The following KCNB2 variants were observed in gnomAD, a reference collection of about 807,000 sequenced individuals.
The protein encoded by KCNB2 is potassium voltage-gated channel subfamily B member 2.
KCNB2 carries 15 observed loss-of-function variants against 61.5 expected under a neutral mutation model. The observed-to-expected ratio is 0.24, with a 90% CI of 0.16 to 0.38. KCNB2 has a LOEUF of 0.38. Among genes scored for constraint, KCNB2 ranks in the 10% least tolerant of loss-of-function variants. The pLI, the probability that KCNB2 is intolerant of heterozygous loss-of-function variation, is 1.00. For missense variants in KCNB2, 828 were observed against 1,125.2 expected (o/e 0.74, Z 3.78); for synonymous variants, 457 against 446.0 (o/e 1.02, Z -0.31).
intron 2 of KCNB2, among the ~76,000 whole-genome samples, chr8:72,867,159 A>ACCT (rs1010633265): frequency 6.6e-6 from 1 of 152,112 alleles, no homozygotes. Context: ...TCCCTTTATA[A>ACCT]CCTTCTTAAT....
At chr8:72,861,942 C>A (rs569750411) in intron 2 of KCNB2, among the ~76,000 whole-genome samples, 1 of 152,230 alleles carries the variant, frequency 6.6e-6, no homozygotes, top group African/African-American at 2.4e-5. Context: ...GAGGCCAAGG[C>A]AGGCAGATTA....
intron 2 of KCNB2, among the ~76,000 whole-genome samples, chr8:72,610,019 T>C (rs1039932853): frequency 7.9e-5 from 12 of 152,182 alleles, no homozygotes; most frequent in Middle Eastern, 3.2e-3. Context: ...AAAATAGATT[T>C]TTGTTGTACC....
chr8:72,752,678 C>A (rs547990867), intron 2 of KCNB2, among the ~76,000 whole-genome samples: 1 of 152,230 alleles, frequency 6.6e-6, no homozygotes, highest in Admixed American at 6.5e-5. Flanking sequence ...GATTTCTCAG[C>A]CTCCATAATC....
intron 2 of KCNB2, among the ~76,000 whole-genome samples, chr8:72,643,144 C>T (rs1296392257): frequency 3.3e-5 from 5 of 152,116 alleles, no homozygotes; most frequent in Non-Finnish European, 7.4e-5. Flanking sequence ...TCCACACACC[C>T]TTTCCACACA....
At chr8:72,675,743 G>A (rs772619820) in intron 2 of KCNB2, among the ~76,000 whole-genome samples, 1 of 151,964 alleles carries the variant, frequency 6.6e-6, no homozygotes, top group Non-Finnish European at 1.5e-5. Flanking sequence ...TAGTAGAGAC[G>A]GGATTTCATC....
chr8:72,599,468 A>C (rs1015940726), intron 2 of KCNB2, among the ~76,000 whole-genome samples: 4 of 152,244 alleles, frequency 2.6e-5, no homozygotes, highest in Non-Finnish European at 4.4e-5. Context: ...TAAAAGACTT[A>C]AATGTTAGAC....
chr8:72,556,178 A>G (rs546188543), intron 1 of KCNB2, among the ~76,000 whole-genome samples: 1 of 152,132 alleles, frequency 6.6e-6, no homozygotes, highest in Non-Finnish European at 1.5e-5. Flanking sequence ...GGAAATCGAT[A>G]AGTTCATGTT....
intron 2 of KCNB2, among the ~76,000 whole-genome samples, chr8:72,822,897 G>A (rs1809533975): frequency 6.6e-6 from 1 of 151,970 alleles, no homozygotes; most frequent in Non-Finnish European, 1.5e-5. Context: ...GACTGTCCAT[G>A]ACAGGTGTCA....
chr8:72,798,738 C>G (rs1585899639), intron 2 of KCNB2, among the ~76,000 whole-genome samples: 1 of 152,172 alleles, frequency 6.6e-6, no homozygotes, highest in East Asian at 1.9e-4. Context: ...TATTACTCCC[C>G]CTAATGGTAG....
At chr8:72,840,290 T>A (rs1246992047) in intron 2 of KCNB2, among the ~76,000 whole-genome samples, 1 of 152,230 alleles carries the variant, frequency 6.6e-6, no homozygotes, top group East Asian at 1.9e-4. Flanking sequence ...TGTGCCACAT[T>A]TTCTTTATCC....
intron 2 of KCNB2, among the ~76,000 whole-genome samples, chr8:72,817,418 A>G (rs774545972): frequency 1.3e-5 from 2 of 152,210 alleles, no homozygotes; most frequent in African/African-American, 4.8e-5. Flanking sequence ...AAAACAGCCC[A>G]GATAGTCATT....
intron 2 of KCNB2, among the ~76,000 whole-genome samples, chr8:72,694,500 C>T (rs772944370): frequency 1.3e-5 from 2 of 152,080 alleles, no homozygotes; most frequent in East Asian, 1.9e-4. Flanking sequence ...TAGTTAACAA[C>T]AATTTTTTTA....
At chr8:72,701,470 C>T (rs1314708431) in intron 2 of KCNB2, among the ~76,000 whole-genome samples, 2 of 152,160 alleles carry the variant, frequency 1.3e-5, no homozygotes, top group Admixed American at 6.5e-5. Flanking sequence ...GCCCTGCTTT[C>T]CACAACATGT....
At chr8:72,539,968 G>T (rs931418926) in intron 1 of KCNB2, among the ~76,000 whole-genome samples, 2 of 152,104 alleles carry the variant, frequency 1.3e-5, no homozygotes, top group African/African-American at 2.4e-5. Context: ...GCAGGATATG[G>T]TTTCGGTCAC....
chr8:72,893,813 T>C (rs562630493), intron 2 of KCNB2, among the ~76,000 whole-genome samples: 1 of 152,324 alleles, frequency 6.6e-6, no homozygotes, highest in South Asian at 2.1e-4. Flanking sequence ...AACAGAAATG[T>C]TCACAGAGAA....
chr8:72,709,001 C>A (rs1244829227), intron 2 of KCNB2, among the ~76,000 whole-genome samples: 1 of 152,094 alleles, frequency 6.6e-6, no homozygotes, highest in Non-Finnish European at 1.5e-5. Context: ...ATATATCCTG[C>A]CAGATTGTTA....
chr8:72,684,171 C>T (rs778338815), intron 2 of KCNB2, among the ~76,000 whole-genome samples: 7 of 152,080 alleles, frequency 4.6e-5, no homozygotes, highest in Non-Finnish European at 8.8e-5. Context: ...ACTGATTGAC[C>T]ATGAGACATG....
intron 2 of KCNB2, among the ~76,000 whole-genome samples, chr8:72,920,634 C>T (rs185774652): frequency 6.6e-6 from 1 of 151,042 alleles, no homozygotes; most frequent in East Asian, 1.9e-4. Flanking sequence ...CAGAGCCAGA[C>T]ACTGTCTCAA....
chr8:72,898,868 G>T (rs1368074624), intron 2 of KCNB2, among the ~76,000 whole-genome samples: 1 of 152,014 alleles, frequency 6.6e-6, no homozygotes, highest in African/African-American at 2.4e-5. Context: ...CCAATGTTTA[G>T]CTCCCACTTG....
Sources: gnomAD v4.1 joint callset for allele counts (sites outside exome capture counted in the v4.1 genomes callset) on GRCh38, gnomAD v4.1.1 for gene constraint, MANE v1.5 for transcripts, NCBI Gene and HGNC (gene_info 2026-07-23, HGNC 2026-07-21) for gene names.